Variants in GHR observed in about 807,000 individuals in gnomAD.
The protein encoded by GHR is GH receptor.
GHR carries 35 observed loss-of-function variants against 67.1 expected under a neutral mutation model. That is an observed-to-expected ratio of 0.52 (90% CI 0.40 to 0.69). The LOEUF is 0.69. Ranked by LOEUF, GHR falls within the 30% of genes least tolerant of loss-of-function variation. GHR has a pLI of 0.00. For missense variants in GHR, 792 were observed against 764.6 expected, an observed-to-expected ratio of 1.04 and a Z score of -0.42; for synonymous variants, 272 against 269.1, an observed-to-expected ratio of 1.01 and a Z score of -0.10.
chr5:42,580,503 A>G (rs762381735), intron 2 of GHR, among the ~76,000 whole-genome samples: 1 of 152,204 alleles, frequency 6.6e-6, no homozygotes, highest in African/African-American at 2.4e-5. Context: ...AATATTTTAT[A>G]TGAGTCTCCT....
intron 1 of GHR, chr5:42,514,011 T>G (rs1747135045): frequency 1.7e-6 from 1 of 587,886 alleles, no homozygotes; most frequent in Non-Finnish European, 2.1e-6. Flanking sequence ...GAAAAAATGA[T>G]TTTATTACTT....
intron 2 of GHR, among the ~76,000 whole-genome samples, chr5:42,608,328 A>AT (rs890444020): frequency 3.1e-4 from 47 of 152,066 alleles, no homozygotes; most frequent in African/African-American, 1.1e-3. Context: ...ATGGATTTAT[A>AT]TTTTTTTTGT....
At chr5:42,461,376 G>T (rs1218548174) in intron 1 of GHR, among the ~76,000 whole-genome samples, 1 of 152,186 alleles carries the variant, frequency 6.6e-6, no homozygotes, top group Non-Finnish European at 1.5e-5. Context: ...AAAGTCACAA[G>T]GTCTGACACC....
rs143547453 is a variant in GHR, at chr5:42,557,152, T to C, written c.-11-8712T>C. ...AGCCCCTAAAGTATTTCCTGCACAA[T>C]TGGAACTCACTATAGAAGATGTACA... On this transcript the variant is annotated intron_variant, in intron 1 of 9. Transcript: ENST00000230882. 5.2e-3 allele frequency among the ~76,000 whole-genome samples: 791 copies of C among 152,266 alleles called. 3 individuals carry two copies. The highest frequency in any genetic ancestry group is 9.0e-3 in the Admixed American group (138 of 15,292).
At chr5:42,647,779 T>G (rs1313141225) in intron 3 of GHR, 1 of 409,954 alleles carries the variant, frequency 2.4e-6, no homozygotes, top group Non-Finnish European at 4.7e-6. Flanking sequence ...CTCTTTGCTC[T>G]TGGCAAAAGG....
At chr5:42,454,843 G>A (rs1744194896) in intron 1 of GHR, among the ~76,000 whole-genome samples, 1 of 152,062 alleles carries the variant, frequency 6.6e-6, no homozygotes, top group Non-Finnish European at 1.5e-5. Context: ...CTGCCCACAA[G>A]GTTCCTGTGC....
chr5:42,498,143 G>A (rs1191703723), intron 1 of GHR, among the ~76,000 whole-genome samples: 3 of 152,196 alleles, frequency 2.0e-5, no homozygotes, highest in Non-Finnish European at 2.9e-5. Context: ...TGGCCCAACT[G>A]TGCTACTTAC....
chr5:42,540,591 G>A (rs1314679820), intron 1 of GHR, among the ~76,000 whole-genome samples: 1 of 152,110 alleles, frequency 6.6e-6, no homozygotes, highest in Non-Finnish European at 1.5e-5. Flanking sequence ...GTTATGATCA[G>A]GCTGAGCTTC....
At chr5:42,557,502 C>T (rs1457790596) in intron 1 of GHR, among the ~76,000 whole-genome samples, 2 of 152,158 alleles carry the variant, frequency 1.3e-5, no homozygotes, top group Admixed American at 6.5e-5. Context: ...CTTTTGGATA[C>T]ATGCAGAGGG....
chr5:42,595,510 A>T (rs1342827445), intron 2 of GHR, among the ~76,000 whole-genome samples: 1 of 152,178 alleles, frequency 6.6e-6, no homozygotes, highest in South Asian at 2.1e-4. Flanking sequence ...CCCTGGCATT[A>T]TCTTATTTCT....
chr5:42,719,873 A>G lies in GHR; in HGVS notation c.*449A>G, dbSNP rs1758936832. 1.1e-5 allele frequency: 2 copies of G among 178,834 alleles called. No individual in the cohort carries two copies. The highest frequency in any genetic ancestry group is 2.4e-5 in the African/African-American group (1 of 41,624). The allele number at this position is 178,834 out of a possible 1,614,324, so 11.1% of individuals were successfully genotyped here. A position where few individuals can be genotyped will look rare whatever the true frequency, so the allele number is the denominator to read the frequency against. On this transcript the variant is annotated 3_prime_UTR_variant, in exon 10 of 10. Transcript: ENST00000230882. Reference sequence around the variant, plus strand: ...AAGAAACTTTTTTATTTAAAAAACTAAAAACTAGAGGTGAGAAATTTAAAC... The same window carrying G: ...AAGAAACTTTTTTATTTAAAAAACTGAAAACTAGAGGTGAGAAATTTAAAC...
intron 1 of GHR, among the ~76,000 whole-genome samples, chr5:42,510,273 C>T (rs1328724474): frequency 1.3e-5 from 2 of 152,176 alleles, no homozygotes; most frequent in African/African-American, 2.4e-5. Flanking sequence ...ATTGCAAAGA[C>T]CTTTACCTGT....
chr5:42,493,307 A>G (rs1456984240), intron 1 of GHR, among the ~76,000 whole-genome samples: 1 of 152,236 alleles, frequency 6.6e-6, no homozygotes, highest in Non-Finnish European at 1.5e-5. Flanking sequence ...ATATTATCAA[A>G]AATAACTGCT....
chr5:42,517,770 T>C (rs905430278), intron 1 of GHR, among the ~76,000 whole-genome samples: 14 of 151,962 alleles, frequency 9.2e-5, no homozygotes, highest in African/African-American at 3.4e-4. Flanking sequence ...TAGGTTGCTG[T>C]CACTCATAGT....
chr5:42,621,373 G>A (rs1403283757), intron 2 of GHR, among the ~76,000 whole-genome samples: 1 of 152,120 alleles, frequency 6.6e-6, no homozygotes, highest in Non-Finnish European at 1.5e-5. Flanking sequence ...GACTGCATTT[G>A]AAAAGCCAAA....
chr5:42,718,049 AAG>A lies in GHR; in HGVS notation c.876-2_876-1del, dbSNP rs765902595. On this transcript the variant is annotated splice_acceptor_variant, in intron 8 of 9. Coordinates refer to ENST00000230882, the MANE Select transcript of GHR (RefSeq NM_000163.5). LOFTEE classifies it high-confidence loss of function. Reference sequence around the variant, plus strand: ...CAAAACCAAAATTTTATATGTTTTCAAGGATTAAAATGCTGATTCTGCCCCCA... The same window carrying A: ...CAAAACCAAAATTTTATATGTTTTCAGATTAAAATGCTGATTCTGCCCCCA... 2 of 1,546,432 alleles carry A rather than the reference AAG, an allele frequency of 1.3e-6. No individual in the cohort carries two copies. Among genetic ancestry groups the A allele is most frequent in the Non-Finnish European group, 1.8e-6 (2 of 1,119,756 alleles).
At chr5:42,619,222 G>A (rs1753318561) in intron 2 of GHR, among the ~76,000 whole-genome samples, 1 of 152,012 alleles carries the variant, frequency 6.6e-6, no homozygotes, top group African/African-American at 2.4e-5. Context: ...CAGTTCATAA[G>A]TTTATTTCCA....
chr5:42,576,124 AAAATAAAAT>A (rs1750715043), intron 2 of GHR, among the ~76,000 whole-genome samples: 8 of 87,720 alleles, frequency 9.1e-5, no homozygotes, highest in African/African-American at 4.4e-4. Flanking sequence ...AAAATAAAAT[AAAATAAAAT>A]AAAATAAAAT....
intron 1 of GHR, among the ~76,000 whole-genome samples, chr5:42,520,159 G>A (rs1483700386): frequency 2.0e-5 from 3 of 152,170 alleles, no homozygotes; most frequent in African/African-American, 7.2e-5. Context: ...GAGCGTCCAT[G>A]ATGTGCCTGG....
Sources: allele counts gnomAD v4.1 joint callset (sites outside exome capture counted in the v4.1 genomes callset), GRCh38; gene constraint gnomAD v4.1.1; transcripts MANE v1.5; gene names NCBI Gene and HGNC (gene_info 2026-07-23, HGNC 2026-07-21).